Variants in GPC5 observed in about 807,000 individuals in gnomAD.
The protein encoded by GPC5 is glypican 5.
Under a neutral mutation model 53.9 loss-of-function variants are expected in GPC5, and 47 were observed. The observed-to-expected ratio is 0.87, with a 90% CI of 0.69 to 1.11. GPC5 has a LOEUF of 1.11. Among genes scored for constraint, GPC5 ranks in the 50% most tolerant of loss-of-function variants. The pLI is 0.00. For missense variants in GPC5, 748 were observed against 713.1 expected (o/e 1.05, Z -0.56); for synonymous variants, 286 against 263.3 (o/e 1.09, Z -0.84).
At chr13:92,455,441 A>T (rs1412124349) in intron 7 of GPC5, among the ~76,000 whole-genome samples, 1 of 152,212 alleles carries the variant, frequency 6.6e-6, no homozygotes, top group East Asian at 1.9e-4. Context: ...GAAATAGATA[A>T]TCATAAAGTG....
chr13:92,018,094 C>CAA (rs2040723835), intron 6 of GPC5, among the ~76,000 whole-genome samples: 1 of 152,106 alleles, frequency 6.6e-6, no homozygotes, highest in African/African-American at 2.4e-5. Context: ...GAACTGGTAT[C>CAA]TGGAGCAAAT....
intron 2 of GPC5, among the ~76,000 whole-genome samples, chr13:91,602,598 A>G (rs1166386297): frequency 1.3e-5 from 2 of 152,236 alleles, no homozygotes; most frequent in Non-Finnish European, 2.9e-5. Flanking sequence ...TTTAGTGTTT[A>G]TAGCATTTGT....
At chr13:91,838,417 T>G (rs902890346) in intron 5 of GPC5, among the ~76,000 whole-genome samples, 1 of 152,078 alleles carries the variant, frequency 6.6e-6, no homozygotes, top group Admixed American at 6.6e-5. Context: ...AACACAAGGT[T>G]AAAGGAAGTA....
chr13:92,592,062 C>T (rs1267506837), intron 7 of GPC5, among the ~76,000 whole-genome samples: 1 of 152,234 alleles, frequency 6.6e-6, no homozygotes, highest in Non-Finnish European at 1.5e-5. Context: ...GAAAGCCACA[C>T]ATCAGTGGAG....
intron 2 of GPC5, among the ~76,000 whole-genome samples, chr13:91,550,546 G>A (rs979431782): frequency 6.6e-6 from 1 of 152,126 alleles, no homozygotes; most frequent in Non-Finnish European, 1.5e-5. Context: ...CAAGAGTTAA[G>A]GATACATTTA....
intron 6 of GPC5, among the ~76,000 whole-genome samples, chr13:91,940,432 GT>G (rs2039915719): frequency 6.6e-6 from 1 of 152,040 alleles, no homozygotes; most frequent in South Asian, 2.1e-4. Flanking sequence ...CTTTGCTATT[GT>G]GAATAGTGCT....
At chr13:92,740,896 T>TTATATA (rs59036154) in intron 7 of GPC5, among the ~76,000 whole-genome samples, 67 of 134,904 alleles carry the variant, frequency 5.0e-4, no homozygotes, top group Non-Finnish European at 8.6e-4. Flanking sequence ...ATTTATTTAT[T>TTATATA]TATATATATA....
At chr13:92,847,573 C>T (rs1270331778) in intron 7 of GPC5, among the ~76,000 whole-genome samples, 1 of 152,046 alleles carries the variant, frequency 6.6e-6, no homozygotes, top group Non-Finnish European at 1.5e-5. Flanking sequence ...ATTGCTAGTT[C>T]CTGAGGCATC....
intron 7 of GPC5, among the ~76,000 whole-genome samples, chr13:92,707,620 A>G (rs1390296792): frequency 6.6e-6 from 1 of 151,990 alleles, no homozygotes; most frequent in African/African-American, 2.4e-5. Flanking sequence ...CACAAATGAA[A>G]GCTCTTCTTT....
At chr13:92,098,400 C>T (rs960258894) in intron 6 of GPC5, among the ~76,000 whole-genome samples, 3 of 152,114 alleles carry the variant, frequency 2.0e-5, no homozygotes, top group Non-Finnish European at 4.4e-5. Flanking sequence ...TTATCTCAGA[C>T]CTGTCCTAAT....
At chr13:91,963,096 A>G (rs967942284) in intron 6 of GPC5, among the ~76,000 whole-genome samples, 12 of 152,084 alleles carry the variant, frequency 7.9e-5, no homozygotes, top group Non-Finnish European at 1.0e-4. Flanking sequence ...CAGTTACTTA[A>G]TATTTCTGTA....
intron 7 of GPC5, among the ~76,000 whole-genome samples, chr13:92,768,784 T>C (rs1019438013): frequency 5.3e-5 from 8 of 151,516 alleles, no homozygotes; most frequent in African/African-American, 1.7e-4. Context: ...ACTGCACTTA[T>C]GATCTAATAT....
chr13:91,835,435 A>G (rs977050323), intron 5 of GPC5, among the ~76,000 whole-genome samples: 2 of 152,232 alleles, frequency 1.3e-5, no homozygotes, highest in Admixed American at 6.5e-5. Context: ...ACACATGCAC[A>G]CATATGTTTA....
intron 7 of GPC5, among the ~76,000 whole-genome samples, chr13:92,640,875 A>C: frequency 6.6e-6 from 1 of 152,054 alleles, no homozygotes; most frequent in Middle Eastern, 3.2e-3. Context: ...ATAATAACCA[A>C]ACAAACAGAT....
rs147428184 is a variant in GPC5 at position 91,751,009 on chromosome 13, C to T, written c.1155-5286C>T. Among the ~76,000 whole-genome samples, 353 of 152,102 alleles carry T rather than the reference C, an allele frequency of 2.3e-3. 2 individuals are homozygous for T. Among genetic ancestry groups the T allele is most frequent in the Non-Finnish European group, 3.6e-3 (246 of 67,960 alleles). Reference sequence around the variant, plus strand: ...ACTATGCCTACTAGTGTTTCAATCCCCTCCTTTACCACCATCTCAATTATT... The same window carrying T: ...ACTATGCCTACTAGTGTTTCAATCCTCTCCTTTACCACCATCTCAATTATT... On this transcript the variant is annotated intron_variant, in intron 4 of 7. Coordinates refer to ENST00000377067, the MANE Select transcript of GPC5 (RefSeq NM_004466.6).
intron 2 of GPC5, among the ~76,000 whole-genome samples, chr13:91,620,968 A>G (rs2033838553): frequency 6.6e-6 from 1 of 152,156 alleles, no homozygotes; most frequent in Non-Finnish European, 1.5e-5. Context: ...GAGAATCTCC[A>G]GGCCAATATT....
At chr13:92,373,071 T>C (rs2043664400) in intron 7 of GPC5, among the ~76,000 whole-genome samples, 1 of 152,146 alleles carries the variant, frequency 6.6e-6, no homozygotes, top group Non-Finnish European at 1.5e-5. Flanking sequence ...AGGGCAGCTG[T>C]TTAAGTATAT....
intron 6 of GPC5, among the ~76,000 whole-genome samples, chr13:91,978,320 A>C (rs2040325893): frequency 6.6e-6 from 1 of 152,172 alleles, no homozygotes; most frequent in Non-Finnish European, 1.5e-5. Context: ...CTGTTCATTT[A>C]TTTACTCATT....
At chr13:92,237,126 G>T (rs554120793) in intron 7 of GPC5, among the ~76,000 whole-genome samples, 23 of 152,074 alleles carry the variant, frequency 1.5e-4, no homozygotes, top group Admixed American at 3.3e-4. Context: ...TTTTGCATGA[G>T]CTCAGATGTC....
Sources: allele counts gnomAD v4.1 joint callset (sites outside exome capture counted in the v4.1 genomes callset), GRCh38; gene constraint gnomAD v4.1.1; transcripts MANE v1.5; gene names NCBI Gene and HGNC (gene_info 2026-07-23, HGNC 2026-07-21).